The following PDCD1LG2 variants were observed in gnomAD, a reference collection of about 807,000 sequenced individuals.
PDCD1LG2 encodes the protein programmed cell death 1 ligand 2.
In PDCD1LG2, 32 loss-of-function variants were observed where a neutral mutation model predicts 28.2. The observed-to-expected ratio is 1.13, with a 90% CI of 0.86 to 1.52. The LOEUF is 1.52. Among genes scored for constraint, PDCD1LG2 ranks in the 40% most tolerant of loss-of-function variants. The probability of loss-of-function intolerance (pLI) is 0.00; values close to 1 mark genes in which losing one functional copy is unlikely to be tolerated. For synonymous variants in PDCD1LG2, 116 were observed against 120.2 expected (o/e 0.97, Z 0.23); for missense variants, 385 against 323.8 (o/e 1.19, Z -1.45).
At chr9:5,563,076 T>A in intron 5 of PDCD1LG2, 86 bp from the exon 6 acceptor site, 4 of 1,109,258 alleles carry the variant, frequency 3.6e-6, no homozygotes, top group South Asian at 2.7e-5. Flanking sequence ...TATTTAGATT[T>A]ACTTTTTGTC....
chr9:5,567,079 T>C (rs1004965997), intron 6 of PDCD1LG2, among the ~76,000 whole-genome samples: 4 of 152,196 alleles, frequency 2.6e-5, no homozygotes, highest in African/African-American at 9.7e-5. Flanking sequence ...AGAAGAATAC[T>C]TTCTGAAGCC....
intron 2 of PDCD1LG2, 103 bp downstream of exon 2, chr9:5,522,704 G>T (rs573950440): frequency 1.0e-6 from 1 of 985,228 alleles, no homozygotes; most frequent in East Asian, 2.5e-5. Context: ...GGCTTTCTTT[G>T]AGAGGACGTA....
At chr9:5,523,181 C>T (rs753458832) in intron 2 of PDCD1LG2, among the ~76,000 whole-genome samples, 11 of 152,138 alleles carry the variant, frequency 7.2e-5, no homozygotes, top group Non-Finnish European at 1.2e-4. Context: ...GAAGAAAGGA[C>T]TTCTATTGGA....
At chr9:5,550,213 C>T (rs1816302257) in intron 4 of PDCD1LG2, among the ~76,000 whole-genome samples, 1 of 152,140 alleles carries the variant, frequency 6.6e-6, no homozygotes, top group Non-Finnish European at 1.5e-5. Flanking sequence ...GAAATTTGGT[C>T]TCTAACAAAA....
At chr9:5,535,170 G>A (rs1354866106) in intron 3 of PDCD1LG2, 120 bp downstream of exon 3, 1 of 879,284 alleles carries the variant, frequency 1.1e-6, no homozygotes, top group Non-Finnish European at 1.7e-6. Flanking sequence ...TAAGGAGACA[G>A]CTATTTCAGA....
intron 2 of PDCD1LG2, among the ~76,000 whole-genome samples, chr9:5,524,515 A>G (rs1820335007): frequency 6.6e-6 from 1 of 152,254 alleles, no homozygotes; most frequent in Admixed American, 6.5e-5. Flanking sequence ...ACATCAGTTC[A>G]GACAAATATT....
chr9:5,541,540 T>C (rs1289951240), intron 3 of PDCD1LG2, among the ~76,000 whole-genome samples: 2 of 152,046 alleles, frequency 1.3e-5, no homozygotes, highest in Non-Finnish European at 2.9e-5. Context: ...CACAAATCAG[T>C]AGCTCTGCTA....
chr9:5,513,917 C>T (rs1278056456), intron 1 of PDCD1LG2, among the ~76,000 whole-genome samples: 1 of 152,222 alleles, frequency 6.6e-6, no homozygotes, highest in Non-Finnish European at 1.5e-5. Context: ...TTGCTAATTA[C>T]AATTAGTGTC....
In PDCD1LG2 at chr9:5,569,961, C is replaced by T. The variant is rs2129975578; in HGVS notation, c.*2C>T. The T allele has an allele frequency of 6.2e-7, 1 of 1,613,934 alleles. No individual in the cohort carries two copies. The highest frequency in any genetic ancestry group is 2.2e-5 in the East Asian group (1 of 44,880). ...GTGGGCTTTTCTCCCCAGATCTGAA[C>T]CTGTGGTCTTGGGAGCCAGGGTGAC... On this transcript the variant is annotated 3_prime_UTR_variant, in exon 7 of 7. Transcript: ENST00000397747. This position sits in a 1 kb window ranked among gnomAD's most constrained non-coding sequence, Gnocchi z 4.1.
chr9:5,519,013 C>A (rs1820222616), intron 1 of PDCD1LG2, among the ~76,000 whole-genome samples: 1 of 152,146 alleles, frequency 6.6e-6, no homozygotes, highest in African/African-American at 2.4e-5. Context: ...GTTGTACTCA[C>A]AGATCCCAAG....
chr9:5,525,957 G>A (rs1050676940), intron 2 of PDCD1LG2, among the ~76,000 whole-genome samples: 3 of 150,416 alleles, frequency 2.0e-5, no homozygotes, highest in Admixed American at 6.7e-5. Context: ...TGAGGCAGGA[G>A]AATCGCTTGA....
rs151172031 is a variant in PDCD1LG2, at chr9:5,548,484, A to G, written c.362-851A>G. Among the ~76,000 whole-genome samples the G allele has an allele frequency of 2.7e-3, 405 of 152,358 alleles. 1 individual carries two copies. Among genetic ancestry groups the G allele is most frequent in the African/African-American group, 9.4e-3 (393 of 41,592 alleles). ...AAAGGAATACAGATATCTCTTCAAC[A>G]TACTAAATTCAATTCCTTTGGATAT... On this transcript the variant is annotated intron_variant, in intron 3 of 6. Coordinates refer to ENST00000397747, the MANE Select transcript of PDCD1LG2 (RefSeq NM_025239.4).
At chr9:5,540,110 A>G (rs1282380822) in intron 3 of PDCD1LG2, among the ~76,000 whole-genome samples, 3 of 152,262 alleles carry the variant, frequency 2.0e-5, no homozygotes, top group Non-Finnish European at 1.5e-5. Flanking sequence ...CCATGCAATT[A>G]CATGGAAGTT....
At position 5,549,530 on chromosome 9, in the gene PDCD1LG2, C is replaced by T. The variant is rs1563830654; in HGVS notation, c.557C>T (p.Pro186Leu). 3.0e-5 allele frequency: 49 copies of T among 1,614,096 alleles called. No individual in the cohort carries two copies. Among genetic ancestry groups the T allele is most frequent in the Non-Finnish European group, 4.2e-5 (49 of 1,180,044 alleles). Residue 186 changes from proline to leucine, a missense_variant, in exon 4 of 7, where the codon CCT becomes CTT. Coordinates refer to ENST00000397747, the MANE Select transcript of PDCD1LG2 (RefSeq NM_025239.4). ...VTSVLRLKPP[P>L]GRNFSCVFWN... ...AGTGTTCTGCGCCTAAAGCCACCCC[C>T]TGGCAGAAACTTCAGCTGTGTGTTC...
At chr9:5,537,622 C>T (rs890326333) in intron 3 of PDCD1LG2, among the ~76,000 whole-genome samples, 1 of 152,092 alleles carries the variant, frequency 6.6e-6, no homozygotes, top group Non-Finnish European at 1.5e-5. Flanking sequence ...AGCAAACTAT[C>T]CCAAGGACAA....
intron 1 of PDCD1LG2, among the ~76,000 whole-genome samples, chr9:5,511,337 T>C (rs756913783): frequency 2.0e-5 from 3 of 152,220 alleles, no homozygotes; most frequent in Non-Finnish European, 4.4e-5. Flanking sequence ...TTGGGGACTA[T>C]GGAAAGGCTT....
intron 6 of PDCD1LG2, among the ~76,000 whole-genome samples, chr9:5,568,610 G>A (rs1265517691): frequency 3.9e-5 from 6 of 152,158 alleles, no homozygotes; most frequent in Non-Finnish European, 8.8e-5. Flanking sequence ...AACATATTTG[G>A]AAAATCATGT....
At chr9:5,543,354 A>G (rs1820725215) in intron 3 of PDCD1LG2, among the ~76,000 whole-genome samples, 1 of 152,102 alleles carries the variant, frequency 6.6e-6, no homozygotes, top group South Asian at 2.1e-4. Flanking sequence ...CCTGGCTAAC[A>G]CGGTGAAACC....
Position 5,549,399 on chromosome 9 carries a change from C to G in PDCD1LG2, c.426C>G (p.Thr142=), listed in dbSNP as rs1816277320. 1 of 1,614,204 alleles carries G rather than the reference C, an allele frequency of 6.2e-7. No homozygotes were observed. The highest frequency in any genetic ancestry group is 8.5e-7 in the Non-Finnish European group (1 of 1,180,010). ...KVPETDEVEL[T]CQATGYPLAE... is the part of the protein sequence containing the mutation. ...CAGAAACAGATGAGGTAGAGCTCAC[C>G]TGCCAGGCTACAGGTTATCCTCTGG... The change falls in exon 4 of 7, where the codon ACC becomes ACG. Residue 142 remains threonine, a synonymous_variant. Transcript: ENST00000397747.
Sources: gnomAD v4.1 joint callset for allele counts (sites outside exome capture counted in the v4.1 genomes callset) on GRCh38, gnomAD v4.1.1 for gene constraint, Gnocchi (gnomAD v3.1) non-coding constraint, MANE v1.5 for transcripts, NCBI Gene and HGNC (gene_info 2026-07-23, HGNC 2026-07-21) for gene names.